The following GMEB2 variants were observed in gnomAD, a reference collection of about 807,000 sequenced individuals.
GMEB2 encodes glucocorticoid modulatory element binding protein 2, also known as glucocorticoid modulatory element-binding protein 2.
Under a neutral mutation model 45.7 loss-of-function variants are expected in GMEB2, and 7 were observed. That is an observed-to-expected ratio of 0.15 (90% CI 0.09 to 0.29). The LOEUF is 0.29. Among genes scored for constraint, GMEB2 ranks in the 10% least tolerant of loss-of-function variants. The probability of loss-of-function intolerance (pLI) is 1.00; values close to 1 mark genes in which losing one functional copy is unlikely to be tolerated. For synonymous variants in GMEB2, 322 were observed against 323.6 expected (o/e 1.00, Z 0.05); for missense variants, 582 against 739.2 (o/e 0.79, Z 2.47).
intron 6 of GMEB2, among the ~76,000 whole-genome samples, chr20:63,594,424 C>T (rs144356117): frequency 6.6e-6 from 1 of 152,314 alleles, no homozygotes; most frequent in African/African-American, 2.4e-5. Context: ...CCCCTCTGAC[C>T]ACAGCAGCCC....
At chr20:63,604,712 G>A (rs760570169) in intron 3 of GMEB2, 31 bp downstream of exon 3, 2 of 1,216,006 alleles carry the variant, frequency 1.6e-6, no homozygotes, top group South Asian at 1.2e-5. Context: ...GCGGCAAGAA[G>A]GCAGACTTCC....
rs754437809 is a variant in GMEB2 at position 63,593,006 on chromosome 20, C to T, written c.691+5G>A. ...GTGAGAAGCCCACAAGGAGGAACCT[C>T]GTACCTCCAATGGCCGCGGTCCAGT... On this transcript the variant is annotated splice_donor_5th_base_variant and intron_variant, in intron 7 of 9. Transcript: ENST00000370077. The surrounding 1 kb of genome is among the most constrained non-coding windows in gnomAD (Gnocchi z 4.7). 1.6e-5 allele frequency: 25 copies of T among 1,593,572 alleles called. No homozygotes were observed. The highest frequency in any genetic ancestry group is 1.1e-4 in the South Asian group (10 of 89,592).
At chr20:63,625,656 G>A (rs975041578) in intron 1 of GMEB2, among the ~76,000 whole-genome samples, 2 of 151,562 alleles carry the variant, frequency 1.3e-5, no homozygotes. Context: ...GGAGTGCAAT[G>A]GCACCATCTC....
intron 9 of GMEB2, among the ~76,000 whole-genome samples, 188 bp from the exon 10 acceptor site, chr20:63,590,917 G>A (rs1187775647): frequency 6.6e-6 from 1 of 152,142 alleles, no homozygotes; most frequent in Non-Finnish European, 1.5e-5. Flanking sequence ...GGGAGACGGG[G>A]CCCAAGATGG....
At chr20:63,620,968 A>G (rs536678237) in intron 1 of GMEB2, among the ~76,000 whole-genome samples, 9 of 152,086 alleles carry the variant, frequency 5.9e-5, no homozygotes, top group Non-Finnish European at 1.3e-4. Context: ...GAAAGCAAAC[A>G]TTGTCAACCA....
chr20:63,609,137 AC>A (rs371414217), intron 2 of GMEB2, among the ~76,000 whole-genome samples: 3 of 30,228 alleles, frequency 9.9e-5, no homozygotes, highest in Non-Finnish European at 3.5e-4. Flanking sequence ...TGCCCCTCTG[AC>A]CCCACACATC....
intron 2 of GMEB2, among the ~76,000 whole-genome samples, chr20:63,609,982 T>C (rs1295162980): frequency 7.3e-5 from 11 of 151,276 alleles, no homozygotes; most frequent in Non-Finnish European, 1.3e-4. Context: ...TCTAGAAACA[T>C]GCCCCTCTGA....
At chr20:63,610,664 G>T (rs1313845554) in intron 2 of GMEB2, among the ~76,000 whole-genome samples, 1 of 152,240 alleles carries the variant, frequency 6.6e-6, no homozygotes, top group African/African-American at 2.4e-5. Context: ...GCCACGTGGG[G>T]TTCTCTTCTC....
intron 2 of GMEB2, among the ~76,000 whole-genome samples, chr20:63,610,676 G>C (rs1377856817): frequency 6.6e-6 from 1 of 152,224 alleles, no homozygotes; most frequent in Non-Finnish European, 1.5e-5. Flanking sequence ...TCTCTTCTCA[G>C]AGAAGAAGGC....
chr20:63,613,551 G>A (rs1390573134), intron 2 of GMEB2, among the ~76,000 whole-genome samples: 3 of 139,584 alleles, frequency 2.1e-5, no homozygotes, highest in South Asian at 2.2e-4. Flanking sequence ...ACTGAGTCTC[G>A]CTCTGTCACC....
rs2089627964 is a variant in GMEB2, at chr20:63,619,123, A to T, written c.131+144T>A. On this transcript the variant is annotated intron_variant, in intron 2 of 9. Coordinates refer to ENST00000370077, the MANE Select transcript of GMEB2 (RefSeq NM_012384.5). The surrounding 1 kb of genome is among the most constrained non-coding windows in gnomAD (Gnocchi z 4.6). ...TTCTGCTTTTCTTCGCTCTCTACTTACACACACATTTGAGTCCAGTCTCAG... is the reference window on the plus strand; with the variant it reads ...TTCTGCTTTTCTTCGCTCTCTACTTTCACACACATTTGAGTCCAGTCTCAG... 1.3e-6 allele frequency: 1 copy of T among 754,300 alleles called. No individual in the cohort carries two copies. The highest frequency in any genetic ancestry group is 2.0e-6 in the Non-Finnish European group (1 of 500,092). The allele number at this position is 754,300 out of a possible 1,614,324, so 46.7% of individuals were successfully genotyped here. A position where few individuals can be genotyped will look rare whatever the true frequency, so the allele number is the denominator to read the frequency against.
chr20:63,601,142 G>A (rs552737416), intron 4 of GMEB2, among the ~76,000 whole-genome samples: 1 of 152,256 alleles, frequency 6.6e-6, no homozygotes, highest in South Asian at 2.1e-4. Context: ...TAAATAACAT[G>A]AAATATATGG....
intron 2 of GMEB2, among the ~76,000 whole-genome samples, chr20:63,610,661 G>A (rs1045903126): frequency 5.9e-5 from 9 of 152,254 alleles, no homozygotes; most frequent in African/African-American, 2.2e-4. Flanking sequence ...GCTGCCACGT[G>A]GGGTTCTCTT....
chr20:63,592,900 G>A lies in GMEB2; in HGVS notation c.691+111C>T. ...CTGGAACCAGGCCTTTCTCCACAAA[G>A]ACCCTGCCGGCCCCACCTGGACTCC... On this transcript the variant is annotated intron_variant, in intron 7 of 9. Transcript: ENST00000370077. This position sits in a 1 kb window ranked among gnomAD's most constrained non-coding sequence, Gnocchi z 8.2. 1 of 768,134 alleles carries A rather than the reference G, an allele frequency of 1.3e-6. No homozygotes were observed. The highest frequency in any genetic ancestry group is 2.2e-6 in the Non-Finnish European group (1 of 444,720). 47.6% of individuals were successfully genotyped at this position (768,134 alleles called of 1,614,324 possible).
At chr20:63,605,706 G>A (rs1350000286) in intron 2 of GMEB2, among the ~76,000 whole-genome samples, 4 of 151,768 alleles carry the variant, frequency 2.6e-5, no homozygotes, top group Admixed American at 1.3e-4. Context: ...TGTAATCCCA[G>A]TACTTTGGGA....
rs201352573 is a variant in GMEB2, at chr20:63,592,003, G to T, written c.952+19C>A. On this transcript the variant is annotated intron_variant, in intron 9 of 9. Coordinates refer to ENST00000370077, the MANE Select transcript of GMEB2 (RefSeq NM_012384.5). The surrounding 1 kb of genome is among the most constrained non-coding windows in gnomAD (Gnocchi z 8.2). ...CAGCCTACCGCCCAGGGGACGGGAC[G>T]GGGGTGGTCTCAGCATACCTGCCAG... The T allele has an allele frequency of 1.9e-5, 30 of 1,600,726 alleles. No individual in the cohort carries two copies. The East Asian group carries it at 4.9e-4, about 26-fold the overall frequency.
chr20:63,605,742 G>A (rs886530889), intron 2 of GMEB2, among the ~76,000 whole-genome samples: 16 of 152,006 alleles, frequency 1.1e-4, no homozygotes, highest in African/African-American at 3.4e-4. Flanking sequence ...ATCACTTGAG[G>A]TCAGGAGTTC....
chr20:63,597,515 T>C (rs1039898619), intron 5 of GMEB2, among the ~76,000 whole-genome samples: 2 of 152,082 alleles, frequency 1.3e-5, no homozygotes, highest in African/African-American at 4.8e-5. Flanking sequence ...AGGTAAAGAA[T>C]TGGTGGAAAT....
At position 63,619,188 on chromosome 20, in the gene GMEB2, C is replaced by T; in HGVS notation, c.131+79G>A. ...GAAAAATCCTGACACTTGTCCCTTACTACGTTAATGCCAGCTGTGCCAAGG... is the reference window on the plus strand; with the variant it reads ...GAAAAATCCTGACACTTGTCCCTTATTACGTTAATGCCAGCTGTGCCAAGG... On this transcript the variant is annotated intron_variant, in intron 2 of 9. Coordinates refer to ENST00000370077, the MANE Select transcript of GMEB2 (RefSeq NM_012384.5). This position sits in a 1 kb window ranked among gnomAD's most constrained non-coding sequence, Gnocchi z 4.6. 1 of 1,357,112 alleles carries T rather than the reference C, an allele frequency of 7.4e-7. No individual in the cohort carries two copies. Among genetic ancestry groups the T allele is most frequent in the South Asian group, 1.5e-5 (1 of 67,316 alleles). The allele number at this position is 1,357,112 out of a possible 1,614,324, so 84.1% of individuals were successfully genotyped here.
Sources: allele counts gnomAD v4.1 joint callset (sites outside exome capture counted in the v4.1 genomes callset), GRCh38; gene constraint gnomAD v4.1.1; non-coding constraint Gnocchi (gnomAD v3.1); transcripts MANE v1.5; gene names NCBI Gene and HGNC (gene_info 2026-07-23, HGNC 2026-07-21).